RBFOX2: variants seen among roughly 807,000 people sequenced by gnomAD.
The protein encoded by RBFOX2 is RNA binding protein fox-1 homolog 2.
A neutral mutation model predicts 49.1 loss-of-function variants in RBFOX2; 10 were observed. That is an observed-to-expected ratio of 0.20 (90% CI 0.13 to 0.35). The LOEUF (loss-of-function observed/expected upper bound fraction) is 0.35, where lower values mean the gene tolerates loss of function less well. Among genes scored for constraint, RBFOX2 ranks in the 10% least tolerant of loss-of-function variants. The pLI, the probability that RBFOX2 is intolerant of heterozygous loss-of-function variation, is 1.00. For synonymous variants in RBFOX2, 183 were observed against 187.4 expected (o/e 0.98, Z 0.19); for missense variants, 323 against 486.9 (o/e 0.66, Z 3.17).
intron 1 of RBFOX2, among the ~76,000 whole-genome samples, chr22:35,950,235 G>A (rs2054768902): frequency 6.6e-6 from 1 of 151,308 alleles, no homozygotes; most frequent in South Asian, 2.1e-4. Context: ...CTATATACTG[G>A]TTATCAATTA....
At chr22:36,019,367 T>G (rs1200932725) in intron 1 of RBFOX2, among the ~76,000 whole-genome samples, 2 of 152,236 alleles carry the variant, frequency 1.3e-5, no homozygotes, top group Non-Finnish European at 2.9e-5. Context: ...TCTCTAGTAG[T>G]TCCCAACTCT....
intron 3 of RBFOX2, among the ~76,000 whole-genome samples, chr22:35,778,432 G>A (rs968583960): frequency 3.9e-5 from 6 of 152,110 alleles, no homozygotes; most frequent in Non-Finnish European, 7.4e-5. Context: ...ATATACTATA[G>A]AAGGCTGTTA....
At chr22:35,906,862 T>C (rs2049181373) in intron 1 of RBFOX2, among the ~76,000 whole-genome samples, 1 of 152,172 alleles carries the variant, frequency 6.6e-6, no homozygotes, top group Non-Finnish European at 1.5e-5. Context: ...TCTATACCAT[T>C]TGAATTTCCA....
intron 1 of RBFOX2, among the ~76,000 whole-genome samples, chr22:35,956,117 A>C (rs2055525271): frequency 6.6e-6 from 1 of 152,154 alleles, no homozygotes; most frequent in South Asian, 2.1e-4. Flanking sequence ...TTGTTCATTT[A>C]TAAAATACAA....
At chr22:35,793,470 G>A (rs1047335166) in intron 2 of RBFOX2, among the ~76,000 whole-genome samples, 1 of 152,142 alleles carries the variant, frequency 6.6e-6, no homozygotes, top group African/African-American at 2.4e-5. Context: ...TTCTCACAGA[G>A]TACAAACGCA....
intron 1 of RBFOX2, among the ~76,000 whole-genome samples, chr22:35,888,542 T>A (rs2046873835): frequency 1.3e-5 from 2 of 152,188 alleles, no homozygotes; most frequent in Admixed American, 1.3e-4. Flanking sequence ...AAGAGGTTTA[T>A]TTGGCTCACA....
At chr22:35,775,102 TA>T (rs1486621800) in intron 4 of RBFOX2, among the ~76,000 whole-genome samples, 2 of 152,070 alleles carry the variant, frequency 1.3e-5, no homozygotes, top group African/African-American at 4.8e-5. Flanking sequence ...CCCAAACATA[TA>T]AAAGGATTAA....
chr22:35,928,295 A>G (rs2149653169), intron 1 of RBFOX2, among the ~76,000 whole-genome samples: 1 of 152,290 alleles, frequency 6.6e-6, no homozygotes. Context: ...AGAAATTGCC[A>G]CAAAACAGCT....
At chr22:35,766,203 T>C (rs963830926) in intron 5 of RBFOX2, among the ~76,000 whole-genome samples, 1 of 152,100 alleles carries the variant, frequency 6.6e-6, no homozygotes, top group Non-Finnish European at 1.5e-5. Context: ...AGTAAGTAGG[T>C]GTTACAAAGA....
chr22:35,897,549 G>A, intron 1 of RBFOX2: 6 of 871,680 alleles, frequency 6.9e-6, no homozygotes, highest in Non-Finnish European at 1.2e-5. Context: ...CCCCTTTGCT[G>A]TGAGCCACAG....
At chr22:35,813,251 T>G (rs1450952996) in intron 1 of RBFOX2, among the ~76,000 whole-genome samples, 3 of 152,226 alleles carry the variant, frequency 2.0e-5, no homozygotes, top group Non-Finnish European at 4.4e-5. Flanking sequence ...ATTAAAAATG[T>G]CAAATGGTTT....
At chr22:35,817,557 G>A (rs1351642184) in intron 1 of RBFOX2, among the ~76,000 whole-genome samples, 1 of 152,098 alleles carries the variant, frequency 6.6e-6, no homozygotes, top group Non-Finnish European at 1.5e-5. Flanking sequence ...GGCTATAAAT[G>A]TAAGTTTCCT....
chr22:35,763,596 T>C (rs1348057226), intron 6 of RBFOX2, among the ~76,000 whole-genome samples: 1 of 152,200 alleles, frequency 6.6e-6, no homozygotes, highest in Admixed American at 6.5e-5. Context: ...GGATGTATAT[T>C]GACATGTTGT....
chr22:35,878,793 C>T (rs1056537525), intron 1 of RBFOX2, among the ~76,000 whole-genome samples: 5 of 152,016 alleles, frequency 3.3e-5, no homozygotes, highest in Admixed American at 6.6e-5. Flanking sequence ...TGCAGAGGCA[C>T]GATCTCAGCT....
chr22:35,924,135 G>A (rs932860668), intron 1 of RBFOX2, among the ~76,000 whole-genome samples: 9 of 152,090 alleles, frequency 5.9e-5, no homozygotes, highest in African/African-American at 1.9e-4. Context: ...GCTTTATACA[G>A]TGCCTGCACA....
At chr22:35,871,033 ACT>A (rs1394426445) in intron 1 of RBFOX2, among the ~76,000 whole-genome samples, 1 of 152,016 alleles carries the variant, frequency 6.6e-6, no homozygotes, top group Non-Finnish European at 1.5e-5. Context: ...TAAAAGGTTT[ACT>A]CTTGTCCTTG....
chr22:35,908,050 T>C (rs1410652613), intron 1 of RBFOX2, among the ~76,000 whole-genome samples: 1 of 152,208 alleles, frequency 6.6e-6, no homozygotes, highest in Admixed American at 6.5e-5. Flanking sequence ...GAAATGTCTA[T>C]TTCAAATGTT....
chr22:35,867,169 C>T (rs1306738907), intron 1 of RBFOX2, among the ~76,000 whole-genome samples: 1 of 152,038 alleles, frequency 6.6e-6, no homozygotes, highest in African/African-American at 2.4e-5. Flanking sequence ...AAGAAAAGAA[C>T]CTTTTAAGGT....
chr22:35,847,185 T>C (rs1338124119), intron 1 of RBFOX2, among the ~76,000 whole-genome samples: 1 of 152,228 alleles, frequency 6.6e-6, no homozygotes, highest in African/African-American at 2.4e-5. Flanking sequence ...TTGGCCAGAC[T>C]AGGTTCTACG....
Sources: allele counts gnomAD v4.1 joint callset (sites outside exome capture counted in the v4.1 genomes callset), GRCh38; gene constraint gnomAD v4.1.1; transcripts MANE v1.5; gene names NCBI Gene and HGNC (gene_info 2026-07-23, HGNC 2026-07-21).